The following NIM1K variants were observed in gnomAD, a reference collection of about 807,000 sequenced individuals.
NIM1K encodes NIM1 serine/threonine protein kinase, also known as serine/threonine-protein kinase NIM1.
Under a neutral mutation model 37.1 loss-of-function variants are expected in NIM1K, and 35 were observed. The ratio of observed to expected loss-of-function variants is 0.94; its 90% CI spans 0.72 to 1.25. The LOEUF (loss-of-function observed/expected upper bound fraction) is 1.25, where lower values mean the gene tolerates loss of function less well. Ranked by LOEUF, NIM1K falls within the 50% of genes most tolerant of loss-of-function variation. NIM1K has a pLI of 0.00. For synonymous variants in NIM1K, 234 were observed against 206.6 expected (o/e 1.13, Z -1.14); for missense variants, 564 against 548.0 (o/e 1.03, Z -0.29).
At chr5:43,259,642 TG>T (rs1375376160) in intron 2 of NIM1K, among the ~76,000 whole-genome samples, 1 of 152,186 alleles carries the variant, frequency 6.6e-6, no homozygotes, top group African/African-American at 2.4e-5. Context: ...TTTTGTTTTT[TG>T]TTTGCTAATT....
intron 2 of NIM1K, among the ~76,000 whole-genome samples, chr5:43,264,684 C>G (rs1156666495): frequency 1.3e-5 from 2 of 152,068 alleles, no homozygotes; most frequent in East Asian, 1.9e-4. Flanking sequence ...GGTTATTTTG[C>G]TTGTTAGTTG....
At chr5:43,271,313 G>T (rs531736347) in intron 2 of NIM1K, among the ~76,000 whole-genome samples, 2 of 151,690 alleles carry the variant, frequency 1.3e-5, no homozygotes, top group Non-Finnish European at 2.9e-5. Flanking sequence ...ATTCTTCAAA[G>T]TCAGTCATCT....
rs181393324 is a variant in NIM1K at position 43,228,382 on chromosome 5, G to A, written c.-694-16700G>A. Among the ~76,000 whole-genome samples, 1,133 of 152,064 alleles carry A rather than the reference G, an allele frequency of 7.5e-3. 6 individuals carry two copies. The highest frequency in any genetic ancestry group is 0.02 in the Middle Eastern group (6 of 294). On this transcript the variant is annotated intron_variant, in intron 1 of 3. Transcript: ENST00000326035. ...AGGATGGTCTCGATCTCCTGACCTC[G>A]TGATCCGCCCACCTCAGCCTCCCAA... is the stretch of plus-strand genomic sequence containing the variant.
At chr5:43,256,089 T>C (rs1752941906) in intron 2 of NIM1K, among the ~76,000 whole-genome samples, 1 of 151,938 alleles carries the variant, frequency 6.6e-6, no homozygotes, top group African/African-American at 2.4e-5. Context: ...GAACTGGGGA[T>C]TTCACAAAGG....
intron 1 of NIM1K, among the ~76,000 whole-genome samples, chr5:43,222,839 A>G (rs551545230): frequency 6.6e-4 from 100 of 152,286 alleles, no homozygotes; most frequent in African/African-American, 2.2e-3. Flanking sequence ...AATCCTGGAC[A>G]TTAAAAAAAT....
At chr5:43,205,958 C>T (rs1463297962) in intron 1 of NIM1K, among the ~76,000 whole-genome samples, 7 of 152,022 alleles carry the variant, frequency 4.6e-5, no homozygotes, top group East Asian at 1.9e-4. Context: ...GTGATCCGCC[C>T]GCCTCGACCT....
intron 1 of NIM1K, among the ~76,000 whole-genome samples, chr5:43,224,766 G>GA (rs1752429601): frequency 6.8e-6 from 1 of 147,438 alleles, no homozygotes; most frequent in African/African-American, 2.5e-5. Context: ...GCGCGATCTC[G>GA]GCTCACTGCA....
At position 43,198,314 on chromosome 5, in the gene NIM1K, CCCTT is replaced by C. The variant is rs373321326; in HGVS notation, c.-695+5912_-695+5915del. On this transcript the variant is annotated intron_variant, in intron 1 of 3. Transcript: ENST00000326035. ...TTCCTTCCTTCCTTACTTCCTTCCTCCCTTCCTTCCTTTCTGTCTTTCTGTCTTT... is the reference window on the plus strand; with the variant it reads ...TTCCTTCCTTCCTTACTTCCTTCCTCCCTTCCTTTCTGTCTTTCTGTCTTT... Among the ~76,000 whole-genome samples the C allele has an allele frequency of 6.4e-3, 940 of 145,922 alleles. 6 individuals carry two copies. The highest frequency in any genetic ancestry group is 0.035 in the Middle Eastern group (10 of 282).
chr5:43,275,041 A>C (rs75134943), intron 2 of NIM1K, among the ~76,000 whole-genome samples: 5,750 of 152,224 alleles, frequency 0.038, 389 homozygotes, highest in African/African-American at 0.13. Context: ...AACATTAATC[A>C]TTTTCGTTAT....
chr5:43,240,478 CCAA>C (rs1204480687), intron 1 of NIM1K: 1 of 151,686 alleles, frequency 6.6e-6, no homozygotes, highest in African/African-American at 2.4e-5. Flanking sequence ...ATTCCCCTGT[CCAA>C]CAAGTCCCTT....
At chr5:43,265,900 T>C (rs1579608691) in intron 2 of NIM1K, among the ~76,000 whole-genome samples, 2 of 152,340 alleles carry the variant, frequency 1.3e-5, no homozygotes, top group South Asian at 4.1e-4. Flanking sequence ...ACTTCAGACC[T>C]GTTTGCCTGG....
chr5:43,270,164 G>A (rs891640189), intron 2 of NIM1K, among the ~76,000 whole-genome samples: 1 of 152,174 alleles, frequency 6.6e-6, no homozygotes, highest in African/African-American at 2.4e-5. Flanking sequence ...TGTTTAAGGA[G>A]GCTAAAGATT....
At chr5:43,270,520 A>G (rs1208855606) in intron 2 of NIM1K, among the ~76,000 whole-genome samples, 3 of 152,228 alleles carry the variant, frequency 2.0e-5, no homozygotes, top group Non-Finnish European at 4.4e-5. Context: ...CAAGGTTACC[A>G]GCTGTGAATG....
chr5:43,253,691 G>A (rs1373637459), intron 2 of NIM1K, among the ~76,000 whole-genome samples: 29 of 147,844 alleles, frequency 2.0e-4, no homozygotes, highest in Admixed American at 2.0e-4. Flanking sequence ...ACGGAGTCTT[G>A]CCCTGTCACC....
At chr5:43,223,970 A>G (rs1039000751) in intron 1 of NIM1K, among the ~76,000 whole-genome samples, 3 of 7,324 alleles carry the variant, frequency 4.1e-4, no homozygotes, top group African/African-American at 5.5e-4. Context: ...AGCATCATGA[A>G]AGATTCTTTT....
chr5:43,205,382 A>G (rs552227146), intron 1 of NIM1K, among the ~76,000 whole-genome samples: 6 of 152,348 alleles, frequency 3.9e-5, no homozygotes, highest in African/African-American at 1.4e-4. Context: ...AGTGCTTAAT[A>G]AAAGTAGCTT....
chr5:43,261,119 T>C (rs544880244), intron 2 of NIM1K, among the ~76,000 whole-genome samples: 3 of 152,350 alleles, frequency 2.0e-5, no homozygotes, highest in Admixed American at 1.3e-4. Flanking sequence ...CCTTTGGGTA[T>C]ATACCCAGTA....
At chr5:43,259,152 A>G (rs1405460677) in intron 2 of NIM1K, among the ~76,000 whole-genome samples, 3 of 152,046 alleles carry the variant, frequency 2.0e-5, no homozygotes. Context: ...TTACCCACTC[A>G]TTGGTTGGTT....
chr5:43,214,332 C>A (rs919333642), intron 1 of NIM1K, among the ~76,000 whole-genome samples: 3 of 46,596 alleles, frequency 6.4e-5, no homozygotes, highest in Admixed American at 4.7e-4. Context: ...AAAAACACAC[C>A]CAGAAGTATA....
Sources: allele counts gnomAD v4.1 joint callset (sites outside exome capture counted in the v4.1 genomes callset), GRCh38; gene constraint gnomAD v4.1.1; transcripts MANE v1.5; gene names NCBI Gene and HGNC (gene_info 2026-07-23, HGNC 2026-07-21).